FGF12: variants seen among roughly 807,000 people sequenced by gnomAD.
The protein encoded by FGF12 is fibroblast growth factor 12B.
In FGF12, 14 loss-of-function variants were observed where a neutral mutation model predicts 23.6. That is an observed-to-expected ratio of 0.59 (90% CI 0.39 to 0.93). FGF12 has a LOEUF of 0.93. FGF12 is among the 40% of genes least tolerant of loss of function. FGF12 has a pLI of 0.00. For synonymous variants in FGF12, 62 were observed against 77.3 expected, an observed-to-expected ratio of 0.80 and a Z score of 1.04; for missense variants, 175 against 217.8, an observed-to-expected ratio of 0.80 and a Z score of 1.24.
chr3:192,283,088 C>T (rs1714244650), intron 4 of FGF12: 1 of 152,006 alleles, frequency 6.6e-6, no homozygotes, highest in Admixed American at 6.6e-5. Context: ...CTTGGACTGG[C>T]CTTTGAAAAA....
intron 3 of FGF12, among the ~76,000 whole-genome samples, chr3:192,354,197 G>A (rs774577278): frequency 5.3e-5 from 8 of 152,082 alleles, no homozygotes; most frequent in Non-Finnish European, 1.0e-4. Flanking sequence ...AATTTAGTAC[G>A]TTCATAAAAT....
chr3:192,633,661 A>G (rs975334348), intron 2 of FGF12, among the ~76,000 whole-genome samples: 2 of 152,130 alleles, frequency 1.3e-5, no homozygotes, highest in African/African-American at 4.8e-5. Context: ...ATTCCGTATC[A>G]CCCTGCAAAA....
intron 2 of FGF12, among the ~76,000 whole-genome samples, chr3:192,371,119 G>A (rs774375464): frequency 1.3e-5 from 2 of 152,202 alleles, no homozygotes; most frequent in Non-Finnish European, 2.9e-5. Context: ...TTTCCAGGCA[G>A]CTCAAAAATG....
chr3:192,536,679 G>C (rs1175439441), intron 2 of FGF12, among the ~76,000 whole-genome samples: 2 of 151,388 alleles, frequency 1.3e-5, no homozygotes, highest in Admixed American at 6.6e-5. Context: ...AGTTTTTGTG[G>C]GTACATACTG....
chr3:192,396,789 T>C lies in FGF12; in HGVS notation c.14-36251A>G, dbSNP rs78533068. The stretch of plus-strand genomic sequence containing the variant: ...ATAATGAACCCAGCTGCATAAAGCT[T>C]GCTGCTCTTCAGCCCTAACAGGTGT... On this transcript the variant is annotated intron_variant, in intron 2 of 5. Transcript: ENST00000445105. 3.0e-3 allele frequency among the ~76,000 whole-genome samples: 457 copies of C among 152,320 alleles called. 1 individual carries two copies. The highest frequency in any genetic ancestry group is 0.01 in the African/African-American group (419 of 41,568).
chr3:192,198,025 T>G (rs1470678539), intron 4 of FGF12, among the ~76,000 whole-genome samples: 9 of 151,536 alleles, frequency 5.9e-5, no homozygotes, highest in Non-Finnish European at 5.9e-5. Context: ...TTTTTTTAAC[T>G]TCTTCTCTCA....
chr3:192,368,569 G>T (rs1314512282), intron 2 of FGF12, among the ~76,000 whole-genome samples: 1 of 152,132 alleles, frequency 6.6e-6, no homozygotes, highest in Non-Finnish European at 1.5e-5. Context: ...TAATGGTAAA[G>T]ATTAATAACC....
intron 4 of FGF12, among the ~76,000 whole-genome samples, chr3:192,202,307 C>T (rs1717410702): frequency 6.6e-6 from 1 of 152,172 alleles, no homozygotes; most frequent in Non-Finnish European, 1.5e-5. Context: ...GAGGAAAGAT[C>T]TAAACAGAGT....
At chr3:192,151,287 T>A (rs1384052896) in intron 5 of FGF12, among the ~76,000 whole-genome samples, 3 of 135,000 alleles carry the variant, frequency 2.2e-5, no homozygotes, top group Non-Finnish European at 4.8e-5. Context: ...CTTCCTCTTT[T>A]CCTAATTGAA....
intron 4 of FGF12, among the ~76,000 whole-genome samples, chr3:192,252,462 CAAAAAAAAAAAAAAAAA>C (rs56920518): frequency 1.1e-4 from 3 of 27,496 alleles, no homozygotes; most frequent in Admixed American, 1.3e-3. Flanking sequence ...GAATCTGTCT[CAAAAAAAAAAAAAAAAA>C]AAAAAAAAAA....
chr3:192,250,176 G>C lies in FGF12; in HGVS notation c.229-79520C>G, dbSNP rs1711912997. On this transcript the variant is annotated intron_variant, in intron 4 of 5. Transcript: ENST00000445105. Reference sequence around the variant, plus strand: ...CTGACATAATAACCTAACGTTTTAGGGTATGCCTAAATTTGCCTTTCTATT... The same window carrying C: ...CTGACATAATAACCTAACGTTTTAGCGTATGCCTAAATTTGCCTTTCTATT... Among the ~76,000 whole-genome samples, 3 of 152,086 alleles carry C rather than the reference G, an allele frequency of 2.0e-5. No homozygotes were observed. In the South Asian group the frequency reaches 6.2e-4, roughly 32 times the overall value.
chr3:192,604,433 C>T (rs565705106), intron 2 of FGF12, among the ~76,000 whole-genome samples: 1 of 152,296 alleles, frequency 6.6e-6, no homozygotes, highest in South Asian at 2.1e-4. Flanking sequence ...TGTTCCTCTT[C>T]TTCAGCTCCA....
chr3:192,347,515 T>C (rs1370870812), intron 3 of FGF12, among the ~76,000 whole-genome samples: 2 of 152,150 alleles, frequency 1.3e-5, no homozygotes, highest in African/African-American at 4.8e-5. Flanking sequence ...GGCTGCTGTC[T>C]TCCTTTACGT....
At chr3:192,704,963 TC>T (rs1024187300) in intron 2 of FGF12, among the ~76,000 whole-genome samples, 4 of 152,222 alleles carry the variant, frequency 2.6e-5, no homozygotes, top group African/African-American at 9.6e-5. Flanking sequence ...CTCTCAGCCT[TC>T]ACAGAATTGA....
At chr3:192,692,202 A>G (rs1293275383) in intron 2 of FGF12, among the ~76,000 whole-genome samples, 2 of 152,180 alleles carry the variant, frequency 1.3e-5, no homozygotes, top group Non-Finnish European at 2.9e-5. Context: ...CCGGAAAAAT[A>G]TAGCACAGGA....
intron 5 of FGF12, among the ~76,000 whole-genome samples, chr3:192,154,408 A>G (rs1183446684): frequency 1.7e-5 from 2 of 118,362 alleles, no homozygotes; most frequent in African/African-American, 6.3e-5. Context: ...TAGAGTTTCC[A>G]GTTTTTCTGT....
Position 192,409,850 on chromosome 3 carries a change from G to A in FGF12, c.14-49312C>T, listed in dbSNP as rs954406059. Among the ~76,000 whole-genome samples, 1 of 151,918 alleles carries A rather than the reference G, an allele frequency of 6.6e-6. No homozygotes were observed. The highest frequency in any genetic ancestry group is 2.4e-5 in the African/African-American group (1 of 41,418). On this transcript the variant is annotated intron_variant, in intron 2 of 5. Transcript: ENST00000445105. This position sits in a 1 kb window ranked among gnomAD's most constrained non-coding sequence, Gnocchi z 4.8. Reference sequence around the variant, plus strand: ...GGCAGGTGCAGGCGGCTGCCAACTCGCCCAACTTGCTGCGCGGGTGGCCGC... The same window carrying A: ...GGCAGGTGCAGGCGGCTGCCAACTCACCCAACTTGCTGCGCGGGTGGCCGC...
At chr3:192,349,952 G>A (rs900339335) in intron 3 of FGF12, among the ~76,000 whole-genome samples, 1 of 152,046 alleles carries the variant, frequency 6.6e-6, no homozygotes, top group Non-Finnish European at 1.5e-5. Flanking sequence ...AGACATAGCA[G>A]TACAAAATGC....
rs561399361 is a variant in FGF12 at position 192,350,717 on chromosome 3, G to T, written c.124+9711C>A. The stretch of plus-strand genomic sequence containing the variant: ...TGGAAAGAAAGAGGAGAGATAATAT[G>T]TGAGGAGGGATGAAGGAGACAACGG... On this transcript the variant is annotated intron_variant, in intron 3 of 5. Coordinates refer to ENST00000445105, the MANE Select transcript of FGF12 (RefSeq NM_004113.6). Among the ~76,000 whole-genome samples the T allele has an allele frequency of 1.3e-3, 195 of 152,270 alleles. No individual in the cohort carries two copies. The Middle Eastern group carries it at 0.017, about 13-fold the overall frequency.
Sources: gnomAD v4.1 joint callset for allele counts (sites outside exome capture counted in the v4.1 genomes callset) on GRCh38, gnomAD v4.1.1 for gene constraint, Gnocchi (gnomAD v3.1) non-coding constraint, MANE v1.5 for transcripts, NCBI Gene and HGNC (gene_info 2026-07-23, HGNC 2026-07-21) for gene names.